The following OPCML variants were observed in gnomAD, a reference collection of about 807,000 sequenced individuals.
The protein encoded by OPCML is opioid-binding protein/cell adhesion molecule.
In OPCML, 13 loss-of-function variants were observed where a neutral mutation model predicts 37.8. The observed-to-expected ratio is 0.34, with a 90% CI of 0.22 to 0.55. The LOEUF (loss-of-function observed/expected upper bound fraction) is 0.55. OPCML is among the 20% of genes least tolerant of loss of function. The probability of loss-of-function intolerance (pLI) is 0.91; values close to 1 mark genes in which losing one functional copy is unlikely to be tolerated. For missense variants in OPCML, 341 were observed against 435.6 expected (o/e 0.78, Z 1.93); for synonymous variants, 176 against 168.8 (o/e 1.04, Z -0.33).
At chr11:132,697,126 C>T (rs1943627334) in intron 2 of OPCML, among the ~76,000 whole-genome samples, 1 of 152,048 alleles carries the variant, frequency 6.6e-6, no homozygotes, top group African/African-American at 2.4e-5. Flanking sequence ...ATGAAAATTT[C>T]CCCGTTTCAT....
intron 3 of OPCML, among the ~76,000 whole-genome samples, chr11:132,581,948 T>C (rs1363796150): frequency 6.6e-6 from 1 of 151,874 alleles, no homozygotes; most frequent in East Asian, 1.9e-4. Flanking sequence ...GAAACATGGG[T>C]AGAGTTGTAA....
At chr11:132,821,732 A>G (rs1455198991) in intron 2 of OPCML, among the ~76,000 whole-genome samples, 1 of 152,050 alleles carries the variant, frequency 6.6e-6, no homozygotes, top group Non-Finnish European at 1.5e-5. Flanking sequence ...AATTCAAGGT[A>G]TCTTCCCCCC....
At chr11:133,273,059 G>A (rs970038385) in intron 1 of OPCML, among the ~76,000 whole-genome samples, 31 of 152,230 alleles carry the variant, frequency 2.0e-4, no homozygotes, top group East Asian at 7.8e-4. Context: ...ATTTAATCTC[G>A]GAAGGCTGCC....
intron 1 of OPCML, among the ~76,000 whole-genome samples, chr11:133,017,957 A>C (rs1416663230): frequency 1.3e-5 from 2 of 152,156 alleles, no homozygotes; most frequent in African/African-American, 2.4e-5. Flanking sequence ...TTGCCTCCTG[A>C]GCATTTTTTT....
intron 1 of OPCML, among the ~76,000 whole-genome samples, chr11:132,989,355 GAAAT>G (rs1946734058): frequency 6.6e-6 from 1 of 152,000 alleles, no homozygotes; most frequent in African/African-American, 2.4e-5. Context: ...GATAATCTTG[GAAAT>G]AAATAAGTGA....
chr11:132,576,880 G>T (rs1197929272), intron 3 of OPCML, among the ~76,000 whole-genome samples: 1 of 152,126 alleles, frequency 6.6e-6, no homozygotes, highest in Non-Finnish European at 1.5e-5. Context: ...GCGCTATAGT[G>T]TCTGCCAATC....
At chr11:132,677,803 G>A (rs1942773686) in intron 2 of OPCML, among the ~76,000 whole-genome samples, 1 of 151,972 alleles carries the variant, frequency 6.6e-6, no homozygotes, top group South Asian at 2.1e-4. Flanking sequence ...TAAATCTCCT[G>A]GATAAAAACA....
At chr11:133,067,581 C>T (rs1948460076) in intron 1 of OPCML, 1 of 152,210 alleles carries the variant, frequency 6.6e-6, no homozygotes. Context: ...GCCTGGCTTT[C>T]TTATTTTACC....
intron 1 of OPCML, among the ~76,000 whole-genome samples, chr11:133,373,979 G>T (rs1442954870): frequency 6.6e-6 from 1 of 152,150 alleles, no homozygotes; most frequent in South Asian, 2.1e-4. Context: ...TGTGTGTATT[G>T]TATGATCTAA....
At chr11:132,939,312 A>G (rs1488940493) in intron 2 of OPCML, among the ~76,000 whole-genome samples, 1 of 152,212 alleles carries the variant, frequency 6.6e-6, no homozygotes, top group Non-Finnish European at 1.5e-5. Context: ...TGCTCAGATT[A>G]TTCCTTGGCA....
intron 2 of OPCML, among the ~76,000 whole-genome samples, chr11:132,710,236 A>G (rs918185557): frequency 3.3e-5 from 5 of 152,200 alleles, no homozygotes; most frequent in Admixed American, 6.5e-5. Flanking sequence ...ACAGTTGTCT[A>G]TTAGGAAGAA....
At chr11:132,845,176 G>A (rs1941469441) in intron 2 of OPCML, among the ~76,000 whole-genome samples, 5 of 151,928 alleles carry the variant, frequency 3.3e-5, no homozygotes, top group Admixed American at 3.3e-4. Context: ...ATTCCTGGTG[G>A]CTTTCTTTAG....
rs374394829 is a variant in OPCML at position 133,218,378 on chromosome 11, C to T, written c.62-275368G>A. Among the ~76,000 whole-genome samples the T allele has an allele frequency of 2.9e-4, 44 of 152,178 alleles. 1 individual carries two copies. The highest frequency in any genetic ancestry group is 9.6e-4 in the African/African-American group (40 of 41,534). ...ATAGAAAAGGAATGAGGGCAGTAAA[C>T]GTTAAGTGATCGCCTTTAGAAAGCC... On this transcript the variant is annotated intron_variant, in intron 1 of 7. Coordinates refer to ENST00000524381, the MANE Select transcript of OPCML (RefSeq NM_001012393.5).
rs183146087 is a variant in OPCML, at chr11:132,502,874, T to A, written c.505+26187A>T. Among the ~76,000 whole-genome samples, 12 of 152,314 alleles carry A rather than the reference T, an allele frequency of 7.9e-5. No homozygotes were observed. The East Asian group carries it at 2.1e-3, about 27-fold the overall frequency. On this transcript the variant is annotated intron_variant, in intron 4 of 7. Coordinates refer to ENST00000524381, the MANE Select transcript of OPCML (RefSeq NM_001012393.5). ...CAATCCTCTCTCACGATGACGATGA[T>A]AACACACATACTTTTAAGTGCCTCT...
At chr11:132,581,390 G>A (rs969204644) in intron 3 of OPCML, among the ~76,000 whole-genome samples, 1 of 152,198 alleles carries the variant, frequency 6.6e-6, no homozygotes, top group Non-Finnish European at 1.5e-5. Flanking sequence ...TTCTATAGGT[G>A]TCAGGCTAAC....
At chr11:132,586,569 C>CA in intron 3 of OPCML, among the ~76,000 whole-genome samples, 1 of 152,258 alleles carries the variant, frequency 6.6e-6, no homozygotes, top group African/African-American at 2.4e-5. Context: ...CTGGGATGAA[C>CA]AATAATGTGC....
intron 1 of OPCML, among the ~76,000 whole-genome samples, chr11:133,384,499 A>G (rs1945002551): frequency 6.6e-6 from 1 of 152,176 alleles, no homozygotes; most frequent in Admixed American, 6.5e-5. Context: ...ACCAGATGAG[A>G]AAGTCAGCTC....
At chr11:132,899,800 C>T (rs900537496) in intron 2 of OPCML, among the ~76,000 whole-genome samples, 1 of 151,908 alleles carries the variant, frequency 6.6e-6, no homozygotes, top group African/African-American at 2.4e-5. Flanking sequence ...CTAGACAGAA[C>T]AAAAAAGAGG....
intron 1 of OPCML, among the ~76,000 whole-genome samples, chr11:133,235,367 A>T (rs1940466730): frequency 6.6e-6 from 1 of 152,142 alleles, no homozygotes; most frequent in South Asian, 2.1e-4. Flanking sequence ...GAGGCAGTTG[A>T]TTATTTATGT....
Sources: allele counts gnomAD v4.1 joint callset (sites outside exome capture counted in the v4.1 genomes callset), GRCh38; gene constraint gnomAD v4.1.1; transcripts MANE v1.5; gene names NCBI Gene and HGNC (gene_info 2026-07-23, HGNC 2026-07-21).